The following ZNF682 variants were observed in gnomAD, a reference collection of about 807,000 sequenced individuals.
The protein encoded by ZNF682 is zinc finger protein 682.
In ZNF682, 29 loss-of-function variants were observed where a neutral mutation model predicts 36.5. The ratio of observed to expected loss-of-function variants is 0.80; its 90% CI spans 0.59 to 1.08. ZNF682 has a LOEUF of 1.08. Among genes scored for constraint, ZNF682 ranks in the 50% least tolerant of loss-of-function variants. The probability of loss-of-function intolerance (pLI) is 0.00; values close to 1 mark genes in which losing one functional copy is unlikely to be tolerated. For missense variants in ZNF682, 561 were observed against 579.7 expected, an observed-to-expected ratio of 0.97 and a Z score of 0.33; for synonymous variants, 180 against 197.0, an observed-to-expected ratio of 0.91 and a Z score of 0.72.
intron 3 of ZNF682, among the ~76,000 whole-genome samples, chr19:20,010,451 G>A (rs12460550): frequency 0.065 from 9,918 of 152,152 alleles, 566 homozygotes; most frequent in East Asian, 0.2. Flanking sequence ...CCTGAGGTCA[G>A]GAGTTTGAGA....
rs1306068488 is a variant in ZNF682 at position 20,006,557 on chromosome 19, A to C, written c.945T>G (p.Cys315Trp). ...TIHTGKKPYK[C>W]KECGKAFNHC... is the part of the protein sequence containing the mutation. Reference sequence around the variant, plus strand: ...GGTTAAAGGCTTTCCCACATTCTTTACATTTGTAGGGTTTCTTTCCAGTGT... The same window carrying C: ...GGTTAAAGGCTTTCCCACATTCTTTCCATTTGTAGGGTTTCTTTCCAGTGT... Residue 315 changes from cysteine to tryptophan, a missense_variant, in exon 4 of 4, where the codon TGT (cysteine) becomes TGG (tryptophan). By Grantham distance (215) the Cys-to-Trp change is radical. Transcript: ENST00000397165. The C allele has an allele frequency of 6.2e-7, 1 of 1,614,110 alleles. No homozygotes were observed. The highest frequency in any genetic ancestry group is 8.5e-7 in the Non-Finnish European group (1 of 1,180,004).
At chr19:20,026,848 GAATAA>G (rs1240130753) in intron 1 of ZNF682, among the ~76,000 whole-genome samples, 1 of 152,120 alleles carries the variant, frequency 6.6e-6, no homozygotes, top group African/African-American at 2.4e-5. Context: ...TGGATACAAA[GAATAA>G]AGGAGAAGGC....
chr19:20,015,668 T>C, intron 3 of ZNF682: 1 of 386,910 alleles, frequency 2.6e-6, no homozygotes, highest in Admixed American at 4.5e-5. Flanking sequence ...AGCATACATT[T>C]TTGAATCAAG....
chr19:19,996,091 G>A (rs2088127631), downstream of ZNF682, among the ~76,000 whole-genome samples: 1 of 152,158 alleles, frequency 6.6e-6, no homozygotes, highest in African/African-American at 2.4e-5. Context: ...GCCAGCTCAG[G>A]AAAAGAGACC....
chr19:20,013,849 G>T (rs901445978), intron 3 of ZNF682, among the ~76,000 whole-genome samples: 2 of 152,124 alleles, frequency 1.3e-5, no homozygotes, highest in East Asian at 3.8e-4. Flanking sequence ...CAAAGTGCTG[G>T]GATTGCAGGT....
rs1424752683 is a variant in ZNF682 at position 20,007,259 on chromosome 19, G to A, written c.243C>T (p.Tyr81=). Residue 81 remains tyrosine (Y), a synonymous_variant, in exon 4 of 4, where the codon TAC becomes TAT. Coordinates refer to ENST00000397165, the MANE Select transcript of ZNF682 (RefSeq NM_033196.3). Reference sequence around the variant, plus strand: ...ACTGTTCTGGCAAAAGGTCTTCAGTGTAATGAGAAGACATAGCTGAAATAT... The same window carrying A: ...ACTGTTCTGGCAAAAGGTCTTCAGTATAATGAGAAGACATAGCTGAAATAT... ...IAKPPAMSSH[Y]TEDLLPEQCM... is the part of the protein sequence containing the mutation. The A allele has an allele frequency of 3.1e-6, 5 of 1,606,122 alleles. No homozygotes were observed. The highest frequency in any genetic ancestry group is 3.3e-4 in the Middle Eastern group (2 of 6,030).
downstream of ZNF682, among the ~76,000 whole-genome samples, chr19:20,001,304 CTA>C (rs1449688623): frequency 4.6e-5 from 7 of 152,208 alleles, no homozygotes; most frequent in African/African-American, 1.4e-4. Flanking sequence ...AAAGCCAACA[CTA>C]TGACTAGGGA....
At position 20,010,235 on chromosome 19, in the gene ZNF682, C is replaced by A. The variant is rs574567996; in HGVS notation, c.227-2960G>T. Reference sequence around the variant, plus strand: ...AATGATACCTACTACCACAAAAACACACATAAGTACATAGCCCACAGACCC... The same window carrying A: ...AATGATACCTACTACCACAAAAACAAACATAAGTACATAGCCCACAGACCC... On this transcript the variant is annotated intron_variant, in intron 3 of 3. Transcript: ENST00000397165. 1.9e-4 allele frequency among the ~76,000 whole-genome samples: 29 copies of A among 152,238 alleles called. No homozygotes were observed. The South Asian group carries it at 3.7e-3, about 20-fold the overall frequency.
chr19:20,036,751 A>G (rs7248117), intron 1 of ZNF682, among the ~76,000 whole-genome samples: 116,214 of 148,464 alleles, frequency 0.78, 45,662 homozygotes, highest in Middle Eastern at 0.87. Flanking sequence ...AGGATCTCTT[A>G]AGGCCAGGTG....
chr19:20,006,475 A>G lies in ZNF682; in HGVS notation c.1027T>C (p.Cys343Arg), dbSNP rs1354844737. Reference sequence around the variant, plus strand: ...TTAAAAGCTTTGCCACATTCTTCACATTTATAGGGTTTCTCTCCCGTATGG... The same window carrying G: ...TTAAAAGCTTTGCCACATTCTTCACGTTTATAGGGTTTCTCTCCCGTATGG... ...RTHTGEKPYK[C>R]EECGKAFNSS... The change falls in exon 4 of 4, where the codon TGT (cysteine) becomes CGT (arginine). Residue 343 changes from cysteine (C) to arginine (R), a missense_variant. Coordinates refer to ENST00000397165, the MANE Select transcript of ZNF682 (RefSeq NM_033196.3). 7 of 1,613,940 alleles carry G rather than the reference A, an allele frequency of 4.3e-6. No homozygotes were observed. In the East Asian group the frequency reaches 1.3e-4, roughly 31 times the overall value.
intron 3 of ZNF682, among the ~76,000 whole-genome samples, chr19:19,998,347 T>C (rs1231213337): frequency 1.3e-5 from 2 of 152,028 alleles, no homozygotes; most frequent in African/African-American, 2.4e-5. Context: ...AAGCCACCCT[T>C]AGTAAAGAAT....
intron 1 of ZNF682, among the ~76,000 whole-genome samples, chr19:20,029,600 C>CAA (rs59197434): frequency 2.5e-5 from 3 of 119,846 alleles, no homozygotes; most frequent in Non-Finnish European, 5.2e-5. Flanking sequence ...GACCCTGTCT[C>CAA]AAAAAAAAAA....
At chr19:20,013,744 C>A (rs2122332237) in intron 3 of ZNF682, among the ~76,000 whole-genome samples, 1 of 152,298 alleles carries the variant, frequency 6.6e-6, no homozygotes, top group African/African-American at 2.4e-5. Context: ...CCACATCCAG[C>A]TAATTTTGTA....
Position 20,005,800 on chromosome 19 carries a change from A to T in ZNF682, c.*205T>A. 1 of 586,842 alleles carries T rather than the reference A, an allele frequency of 1.7e-6. No individual in the cohort carries two copies. Among genetic ancestry groups the T allele is most frequent in the East Asian group, 2.8e-5 (1 of 35,168 alleles). 36.4% of individuals were successfully genotyped at this position (586,842 alleles called of 1,614,324 possible). A position where few individuals can be genotyped will look rare whatever the true frequency, so the allele number is the denominator to read the frequency against. ...TAGTAGTTATTAAATGCTTTGCCACATTCTTTAAAATCAGAATTTTTCTCA... is the reference window on the plus strand; with the variant it reads ...TAGTAGTTATTAAATGCTTTGCCACTTTCTTTAAAATCAGAATTTTTCTCA... On this transcript the variant is annotated 3_prime_UTR_variant, in exon 4 of 4. Coordinates refer to ENST00000397165, the MANE Select transcript of ZNF682 (RefSeq NM_033196.3).
intron 1 of ZNF682, among the ~76,000 whole-genome samples, chr19:20,027,744 A>T (rs1238316433): frequency 1.3e-5 from 2 of 150,046 alleles, no homozygotes; most frequent in Non-Finnish European, 3.0e-5. Context: ...GGGCAACAAG[A>T]GCGAAACTCC....
intron 3 of ZNF682, among the ~76,000 whole-genome samples, chr19:19,997,874 G>C (rs796590171): frequency 6.6e-6 from 1 of 152,236 alleles, no homozygotes; most frequent in Non-Finnish European, 1.5e-5. Flanking sequence ...TAGGTGGTGA[G>C]AGCCTTCTGG....
At chr19:20,036,896 G>GA (rs2088535878) in intron 1 of ZNF682, among the ~76,000 whole-genome samples, 1 of 151,362 alleles carries the variant, frequency 6.6e-6, no homozygotes, top group Non-Finnish European at 1.5e-5. Context: ...GAGGTAGCAA[G>GA]ACTGCTTAAG....
intron 3 of ZNF682, among the ~76,000 whole-genome samples, chr19:20,012,137 T>C (rs865842279): frequency 2.0e-5 from 3 of 152,028 alleles, no homozygotes; most frequent in South Asian, 2.1e-4. Context: ...ATCAAGAAGA[T>C]AGATCTCAAG....
chr19:20,035,817 C>A (rs2088524396), intron 1 of ZNF682, among the ~76,000 whole-genome samples: 1 of 151,898 alleles, frequency 6.6e-6, no homozygotes, highest in African/African-American at 2.4e-5. Flanking sequence ...CTCACTGCAA[C>A]CTCTGCCTCC....
Sources: gnomAD v4.1 joint callset for allele counts (sites outside exome capture counted in the v4.1 genomes callset) on GRCh38, gnomAD v4.1.1 for gene constraint, MANE v1.5 for transcripts, NCBI Gene and HGNC (gene_info 2026-07-23, HGNC 2026-07-21) for gene names.